LARGE1: variants seen among roughly 807,000 people sequenced by gnomAD.
The protein encoded by LARGE1 is LARGE xylosyl- and glucuronyltransferase 1.
A neutral mutation model predicts 87.6 loss-of-function variants in LARGE1; 43 were observed. The ratio of observed to expected loss-of-function variants is 0.49; its 90% CI spans 0.38 to 0.63. The LOEUF is 0.63. Ranked by LOEUF, LARGE1 falls within the 30% of genes least tolerant of loss-of-function variation. The probability of loss-of-function intolerance (pLI) is 0.00; values close to 1 mark genes in which losing one functional copy is unlikely to be tolerated. For synonymous variants in LARGE1, 434 were observed against 394.6 expected, an observed-to-expected ratio of 1.10 and a Z score of -1.18; for missense variants, 802 against 1,000.2, an observed-to-expected ratio of 0.80 and a Z score of 2.67.
chr22:33,443,402 G>A (rs897182944), intron 6 of LARGE1, among the ~76,000 whole-genome samples: 2 of 152,194 alleles, frequency 1.3e-5, no homozygotes, highest in Non-Finnish European at 2.9e-5. Context: ...TGGTCGAAGT[G>A]CATGCCCAGC....
chr22:33,525,218 G>A (rs1484424567), intron 6 of LARGE1, among the ~76,000 whole-genome samples: 1 of 152,136 alleles, frequency 6.6e-6, no homozygotes, highest in Non-Finnish European at 1.5e-5. Flanking sequence ...CCTTCTGACA[G>A]TAATATGCTC....
intron 2 of LARGE1, among the ~76,000 whole-genome samples, chr22:33,666,272 T>C (rs1305613100): frequency 6.6e-6 from 1 of 152,194 alleles, no homozygotes; most frequent in African/African-American, 2.4e-5. Context: ...GCGAGGCTGA[T>C]AAAGCAGCCC....
At chr22:33,817,071 C>T (rs2086675734) in intron 1 of LARGE1, among the ~76,000 whole-genome samples, 1 of 152,108 alleles carries the variant, frequency 6.6e-6, no homozygotes, top group African/African-American at 2.4e-5. Flanking sequence ...TACATACACA[C>T]ATGTGTATAC....
chr22:33,258,368 A>G (rs1568992661), intron 11 of LARGE1, among the ~76,000 whole-genome samples: 1 of 152,268 alleles, frequency 6.6e-6, no homozygotes, highest in East Asian at 1.9e-4. Context: ...GCTAGAACTG[A>G]GTGCTGAAGA....
intron 11 of LARGE1, 104 bp downstream of exon 11, chr22:33,315,981 T>A: frequency 7.5e-7 from 1 of 1,326,770 alleles, no homozygotes; most frequent in Non-Finnish European, 1.1e-6. Flanking sequence ...CATCCTCCAA[T>A]TTTAGCAGAT....
At chr22:33,292,763 G>A (rs560926769) in intron 12 of LARGE1, among the ~76,000 whole-genome samples, 1 of 152,174 alleles carries the variant, frequency 6.6e-6, no homozygotes, top group South Asian at 2.1e-4. Context: ...AGGCTGAACA[G>A]TGAGAAAAAA....
chr22:33,251,590 A>C (rs1241126614), intron 11 of LARGE1, among the ~76,000 whole-genome samples: 1 of 152,246 alleles, frequency 6.6e-6, no homozygotes, highest in Non-Finnish European at 1.5e-5. Context: ...AACTCTTGGT[A>C]ATAAAGGTGG....
intron 1 of LARGE1, among the ~76,000 whole-genome samples, chr22:33,905,862 G>C (rs565347446): frequency 2.9e-4 from 44 of 152,284 alleles, no homozygotes; most frequent in Admixed American, 7.2e-4. Flanking sequence ...TGGTGCAGTG[G>C]CTCATACCTG....
intron 7 of LARGE1, among the ~76,000 whole-genome samples, chr22:33,428,886 C>T (rs1429957639): frequency 6.9e-6 from 1 of 144,680 alleles, no homozygotes. Context: ...GCCGAGATTG[C>T]GCCACTGCAC....
In LARGE1 at chr22:33,386,705, TG is replaced by T. The variant is rs201945752; in HGVS notation, c.893-2402del. On this transcript the variant is annotated intron_variant, in intron 7 of 14. Coordinates refer to ENST00000397394, the MANE Select transcript of LARGE1 (RefSeq NM_133642.5). ...ATTGTTTTACTCAGATAAACAATGT[TG>T]GGGGGGGTAGAAAGAAAAGAAACAT... 3.4e-4 allele frequency among the ~76,000 whole-genome samples: 45 copies of T among 133,016 alleles called. No individual in the cohort carries two copies. In the East Asian group the frequency reaches 5.6e-3, roughly 16 times the overall value. The allele number at this position is 133,016 out of a possible 152,430, so 87.3% of individuals were successfully genotyped here. A position where few individuals can be genotyped will look rare whatever the true frequency, so the allele number is the denominator to read the frequency against.
At chr22:33,696,710 A>G (rs755303988) in intron 2 of LARGE1, among the ~76,000 whole-genome samples, 2 of 152,132 alleles carry the variant, frequency 1.3e-5, no homozygotes, top group Non-Finnish European at 2.9e-5. Flanking sequence ...GTGGGTTTGA[A>G]ATGGCATCTC....
chr22:33,307,577 A>T (rs1935073798), intron 11 of LARGE1, among the ~76,000 whole-genome samples: 1 of 152,032 alleles, frequency 6.6e-6, no homozygotes. Context: ...CCTCTCAAAC[A>T]TGTCTTCACC....
intron 10 of LARGE1, among the ~76,000 whole-genome samples, chr22:33,333,952 C>T (rs938529743): frequency 1.3e-5 from 2 of 151,402 alleles, no homozygotes; most frequent in African/African-American, 4.9e-5. Flanking sequence ...AAACCTGTCT[C>T]TACTAAAAAT....
chr22:33,785,409 C>G (rs1390922586), intron 1 of LARGE1, among the ~76,000 whole-genome samples: 1 of 152,000 alleles, frequency 6.6e-6, no homozygotes, highest in Non-Finnish European at 1.5e-5. Context: ...AACGGGTGAA[C>G]AGTATCTCAC....
intron 10 of LARGE1, among the ~76,000 whole-genome samples, chr22:33,329,283 T>C (rs1937500285): frequency 6.6e-6 from 1 of 150,386 alleles, no homozygotes; most frequent in Non-Finnish European, 1.5e-5. Flanking sequence ...TACAATTCCA[T>C]ATACATTCAA....
chr22:33,449,008 G>A lies in LARGE1; in HGVS notation c.788-16743C>T, dbSNP rs1026909292. On this transcript the variant is annotated intron_variant, in intron 6 of 14. Transcript: ENST00000397394. Reference sequence around the variant, plus strand: ...AAATAGAATTATAATCTTATAGCACGTAGTTTTTCCTGTTTGACTTCTTGT... The same window carrying A: ...AAATAGAATTATAATCTTATAGCACATAGTTTTTCCTGTTTGACTTCTTGT... Among the ~76,000 whole-genome samples the A allele has an allele frequency of 3.9e-5, 6 of 152,272 alleles. No individual in the cohort carries two copies. The East Asian group carries it at 5.8e-4, about 15-fold the overall frequency.
the LARGE1 span, among the ~76,000 whole-genome samples, chr22:33,109,831 C>T: frequency 6.6e-6 from 1 of 152,128 alleles, no homozygotes; most frequent in Non-Finnish European, 1.5e-5. Context: ...CTCCTTCTTG[C>T]TCCCGCTCTT....
At chr22:33,286,112 C>G (rs372774086) in intron 12 of LARGE1, among the ~76,000 whole-genome samples, 2 of 152,196 alleles carry the variant, frequency 1.3e-5, no homozygotes, top group Non-Finnish European at 2.9e-5. Context: ...AGAGTGTGGA[C>G]GAGCTCTACT....
the LARGE1 span, among the ~76,000 whole-genome samples, chr22:33,154,424 G>A: frequency 6.6e-6 from 1 of 151,996 alleles, no homozygotes; most frequent in Non-Finnish European, 1.5e-5. Flanking sequence ...TATTTTTGTA[G>A]ACATAGGGTT....
Sources: gnomAD v4.1 joint callset for allele counts (sites outside exome capture counted in the v4.1 genomes callset) on GRCh38, gnomAD v4.1.1 for gene constraint, MANE v1.5 for transcripts, NCBI Gene and HGNC (gene_info 2026-07-23, HGNC 2026-07-21) for gene names.